VTI1A: variants seen among roughly 807,000 people sequenced by gnomAD.
The protein encoded by VTI1A is vesicle transport through interaction with t-SNAREs homolog 1A.
A neutral mutation model predicts 34.9 loss-of-function variants in VTI1A; 22 were observed. That is an observed-to-expected ratio of 0.63 (90% CI 0.45 to 0.90). The LOEUF is 0.90. VTI1A is among the 40% of genes least tolerant of loss of function. VTI1A has a pLI of 0.00. For missense variants in VTI1A, 268 were observed against 275.6 expected, an observed-to-expected ratio of 0.97 and a Z score of 0.20; for synonymous variants, 87 against 97.3, an observed-to-expected ratio of 0.89 and a Z score of 0.62.
intron 3 of VTI1A, among the ~76,000 whole-genome samples, chr10:112,487,140 T>C (rs148592932): frequency 0.01 from 1,570 of 152,288 alleles, 26 homozygotes; most frequent in African/African-American, 0.035. Context: ...TGCTTTTTTT[T>C]TGAGACAGAG....
chr10:112,575,561 G>C (rs1341290842), intron 5 of VTI1A, among the ~76,000 whole-genome samples: 1 of 152,182 alleles, frequency 6.6e-6, no homozygotes, highest in Non-Finnish European at 1.5e-5. Context: ...TCCCTGCTGA[G>C]AGTGCTCTAT....
intron 1 of VTI1A, among the ~76,000 whole-genome samples, chr10:112,453,290 G>A (rs941083463): frequency 1.3e-5 from 2 of 152,102 alleles, no homozygotes; most frequent in Admixed American, 1.3e-4. Flanking sequence ...TTATCACGTG[G>A]CTGAGGTAGT....
intron 5 of VTI1A, among the ~76,000 whole-genome samples, chr10:112,638,724 C>T (rs1242219422): frequency 7.2e-6 from 1 of 137,986 alleles, no homozygotes; most frequent in African/African-American, 2.7e-5. Context: ...CAGAAAATTC[C>T]TATTTCTTTA....
intron 5 of VTI1A, among the ~76,000 whole-genome samples, chr10:112,605,173 A>G (rs771935809): frequency 1.6e-4 from 25 of 152,052 alleles, no homozygotes; most frequent in Non-Finnish European, 2.5e-4. Flanking sequence ...TGCCCCTTCC[A>G]GGCGACCTTG....
chr10:112,818,771 A>G (rs1308171470), downstream of VTI1A: 2 of 181,758 alleles, frequency 1.1e-5, no homozygotes, highest in Non-Finnish European at 2.3e-5. Context: ...TTTTTTTATT[A>G]TTATTATTTA....
chr10:112,572,578 C>G (rs145858964), intron 5 of VTI1A, among the ~76,000 whole-genome samples: 1 of 152,170 alleles, frequency 6.6e-6, no homozygotes, highest in Non-Finnish European at 1.5e-5. Flanking sequence ...GTGGCTCACG[C>G]CTGTAATCCC....
intron 7 of VTI1A, among the ~76,000 whole-genome samples, chr10:112,669,902 C>T (rs1277953331): frequency 1.3e-5 from 2 of 152,142 alleles, no homozygotes; most frequent in Non-Finnish European, 2.9e-5. Context: ...AATCAAATGT[C>T]TAGTGGTTTG....
chr10:112,523,640 C>T (rs943920957), intron 3 of VTI1A, among the ~76,000 whole-genome samples: 2 of 151,968 alleles, frequency 1.3e-5, no homozygotes, highest in Admixed American at 1.3e-4. Context: ...TCTTATGGTA[C>T]AGACCAGAAA....
chr10:112,463,923 G>T lies in VTI1A; in HGVS notation c.154-624G>T, dbSNP rs192349932. Among the ~76,000 whole-genome samples the T allele has an allele frequency of 2.0e-5, 3 of 152,330 alleles. No individual in the cohort carries two copies. In the East Asian group the frequency reaches 5.8e-4, roughly 29 times the overall value. On this transcript the variant is annotated intron_variant, in intron 2 of 7. Coordinates refer to ENST00000393077, the MANE Select transcript of VTI1A (RefSeq NM_145206.4). ...TCAGAAGACAAGACCCGGTTGGATT[G>T]AATGATGGGCTATTCCAAGTATATT...
intron 5 of VTI1A, among the ~76,000 whole-genome samples, chr10:112,611,775 T>C (rs1030583286): frequency 7.1e-6 from 1 of 141,144 alleles, no homozygotes; most frequent in Non-Finnish European, 1.5e-5. Context: ...GGAGTCTCGC[T>C]CTGTCGCCCA....
chr10:112,524,740 A>G (rs1850160049), intron 3 of VTI1A, among the ~76,000 whole-genome samples: 1 of 152,186 alleles, frequency 6.6e-6, no homozygotes. Flanking sequence ...TATTTTGGTG[A>G]AAAAAGGGAA....
At chr10:112,484,575 G>A (rs138014690) in intron 3 of VTI1A, among the ~76,000 whole-genome samples, 265 of 152,104 alleles carry the variant, frequency 1.7e-3, no homozygotes, top group African/African-American at 5.0e-3. Context: ...CTGTTTCCTT[G>A]TCAGAGCTGA....
At chr10:112,511,931 GTA>G (rs1189291237) in intron 3 of VTI1A, among the ~76,000 whole-genome samples, 3 of 152,132 alleles carry the variant, frequency 2.0e-5, no homozygotes, top group Admixed American at 1.3e-4. Context: ...ATTTCATTCT[GTA>G]TATGTACCAC....
chr10:112,817,949 A>G lies in VTI1A; in HGVS notation c.*2566A>G, dbSNP rs1853571916. 4.3e-6 allele frequency: 1 copy of G among 233,134 alleles called. No individual in the cohort carries two copies. The highest frequency in any genetic ancestry group is 2.2e-5 in the African/African-American group (1 of 45,338). 14.4% of individuals were successfully genotyped at this position (233,134 alleles called of 1,614,324 possible). A position where few individuals can be genotyped will look rare whatever the true frequency, so the allele number is the denominator to read the frequency against. ...CTAAACAGTTTCCCTGACAGAATAAATAAAGTGGATGCTACCCCACTCCAG... is the reference window on the plus strand; with the variant it reads ...CTAAACAGTTTCCCTGACAGAATAAGTAAAGTGGATGCTACCCCACTCCAG... On this transcript the variant is annotated 3_prime_UTR_variant, in exon 8 of 8. Coordinates refer to ENST00000393077, the MANE Select transcript of VTI1A (RefSeq NM_145206.4).
intron 3 of VTI1A, among the ~76,000 whole-genome samples, chr10:112,499,919 G>A (rs1274974604): frequency 2.6e-5 from 4 of 152,070 alleles, no homozygotes; most frequent in South Asian, 2.1e-4. Context: ...TTCTCTTGAC[G>A]TTTAGGAACC....
intron 5 of VTI1A, among the ~76,000 whole-genome samples, chr10:112,604,641 A>T (rs529146164): frequency 1.3e-5 from 2 of 152,322 alleles, no homozygotes; most frequent in African/African-American, 4.8e-5. Context: ...TTCTCATGGA[A>T]CTGTTTGGGC....
chr10:112,813,494 T>TA (rs1853393163), intron 7 of VTI1A, among the ~76,000 whole-genome samples: 2 of 152,276 alleles, frequency 1.3e-5, no homozygotes. Flanking sequence ...CTGTGGTAAA[T>TA]AGAGATTTTG....
intron 5 of VTI1A, among the ~76,000 whole-genome samples, chr10:112,602,154 G>A (rs1844901922): frequency 6.6e-6 from 1 of 152,196 alleles, no homozygotes; most frequent in African/African-American, 2.4e-5. Flanking sequence ...AATGTCAAAA[G>A]TGAAAATTAA....
intron 3 of VTI1A, among the ~76,000 whole-genome samples, chr10:112,525,225 C>T (rs1246871212): frequency 6.6e-6 from 1 of 152,150 alleles, no homozygotes; most frequent in Non-Finnish European, 1.5e-5. Context: ...GACTTCTTTA[C>T]TCTGTCCTCC....
Sources: allele counts gnomAD v4.1 joint callset (sites outside exome capture counted in the v4.1 genomes callset), GRCh38; gene constraint gnomAD v4.1.1; transcripts MANE v1.5; gene names NCBI Gene and HGNC (gene_info 2026-07-23, HGNC 2026-07-21).